Variants in XIRP2 observed in about 807,000 individuals in gnomAD.
XIRP2 encodes xin actin binding repeat containing 2, also known as xin actin-binding repeat-containing protein 2.
A neutral mutation model predicts 277.0 loss-of-function variants in XIRP2; 236 were observed. That is an observed-to-expected ratio of 0.85 (90% CI 0.77 to 0.95). The LOEUF (loss-of-function observed/expected upper bound fraction) is 0.95, where lower values mean the gene tolerates loss of function less well. Ranked by LOEUF, XIRP2 falls within the 40% of genes least tolerant of loss-of-function variation. The pLI is 0.00. For missense variants in XIRP2, 4,640 were observed against 4,157.5 expected (o/e 1.12, Z -3.19); for synonymous variants, 1,490 against 1,416.5 (o/e 1.05, Z -1.17).
At chr2:167,062,613 T>C (rs1351618527) in intron 2 of XIRP2, among the ~76,000 whole-genome samples, 1 of 152,184 alleles carries the variant, frequency 6.6e-6, no homozygotes, top group East Asian at 1.9e-4. Context: ...TAATCTTTAA[T>C]GGAATTTCAC....
chr2:167,255,578 C>G (rs1383758173), intron 10 of XIRP2, among the ~76,000 whole-genome samples: 2 of 151,812 alleles, frequency 1.3e-5, no homozygotes, highest in Non-Finnish European at 2.9e-5. Flanking sequence ...ATTTCATTAT[C>G]AAAACATTTA....
rs1482750638 is a variant in XIRP2 at position 167,196,867 on chromosome 2, G to A, written c.563-13868G>A. ...GTAGGTATGTGTGTGGAGTGGGGTG[G>A]GTGTTTTCATGCCTGTCTGTACTTA... On this transcript the variant is annotated intron_variant, in intron 3 of 10. Coordinates refer to ENST00000409195, the MANE Select transcript of XIRP2 (RefSeq NM_152381.6). 2.6e-5 allele frequency among the ~76,000 whole-genome samples: 4 copies of A among 152,192 alleles called. No individual in the cohort carries two copies. In the East Asian group the frequency reaches 7.7e-4, roughly 29 times the overall value.
intron 2 of XIRP2, among the ~76,000 whole-genome samples, chr2:166,965,694 C>T (rs1430244490): frequency 6.6e-6 from 1 of 151,890 alleles, no homozygotes. Flanking sequence ...AGCAATCCTT[C>T]CACCTCAGCT....
chr2:167,214,771 G>A (rs947819842), intron 4 of XIRP2, among the ~76,000 whole-genome samples: 3 of 152,090 alleles, frequency 2.0e-5, no homozygotes, highest in Admixed American at 6.5e-5. Flanking sequence ...GTTTCCCCAT[G>A]TTGGCCAGGC....
chr2:166,912,340 C>G (rs963806867), intron 2 of XIRP2, among the ~76,000 whole-genome samples: 2 of 152,148 alleles, frequency 1.3e-5, no homozygotes, highest in Non-Finnish European at 2.9e-5. Flanking sequence ...CTTCTCTTCT[C>G]GCTTCATTTC....
intron 3 of XIRP2, among the ~76,000 whole-genome samples, chr2:167,177,430 C>T (rs1692878314): frequency 6.6e-6 from 1 of 152,134 alleles, no homozygotes; most frequent in South Asian, 2.1e-4. Flanking sequence ...TCTGAAGTTG[C>T]ATTGACATCT....
At chr2:167,036,761 C>A (rs970273501) in intron 2 of XIRP2, among the ~76,000 whole-genome samples, 9 of 152,076 alleles carry the variant, frequency 5.9e-5, no homozygotes, top group African/African-American at 2.2e-4. Flanking sequence ...CCACCCAAAT[C>A]TCAACTTGAA....
At chr2:166,926,984 A>C (rs1685204959) in intron 2 of XIRP2, among the ~76,000 whole-genome samples, 1 of 152,152 alleles carries the variant, frequency 6.6e-6, no homozygotes, top group Non-Finnish European at 1.5e-5. Flanking sequence ...AAAGGTGAGC[A>C]TGGCTCATTG....
In XIRP2 at chr2:167,259,231, A is replaced by G. The variant is rs1559050321; in HGVS notation, c.*1414A>G. On this transcript the variant is annotated 3_prime_UTR_variant, in exon 11 of 11. Coordinates refer to ENST00000409195, the MANE Select transcript of XIRP2 (RefSeq NM_152381.6). The stretch of plus-strand genomic sequence containing the variant: ...CAACAGAAGCTGCCCGCAATAATGA[A>G]AACACAGGTTTTGATGCTCTGAGCC... The G allele has an allele frequency of 6.2e-7, 1 of 1,613,472 alleles. No individual in the cohort carries two copies. The highest frequency in any genetic ancestry group is 8.5e-7 in the Non-Finnish European group (1 of 1,179,622).
chr2:167,133,558 A>G (rs1260040237), intron 2 of XIRP2, among the ~76,000 whole-genome samples: 1 of 152,230 alleles, frequency 6.6e-6, no homozygotes, highest in African/African-American at 2.4e-5. Context: ...TCACATTTCC[A>G]TGTAGGTATA....
intron 2 of XIRP2, among the ~76,000 whole-genome samples, chr2:166,927,886 A>G (rs1173332603): frequency 2.0e-5 from 3 of 152,070 alleles, no homozygotes; most frequent in East Asian, 3.9e-4. Flanking sequence ...TTTTTCCCAT[A>G]TGTTATCTTT....
intron 2 of XIRP2, among the ~76,000 whole-genome samples, chr2:166,949,591 C>A (rs934850731): frequency 6.6e-6 from 1 of 152,042 alleles, no homozygotes; most frequent in African/African-American, 2.4e-5. Context: ...TGAATAGCAC[C>A]TTGCTCAATG....
intron 2 of XIRP2, among the ~76,000 whole-genome samples, chr2:167,096,436 T>G (rs553983804): frequency 6.6e-6 from 1 of 152,330 alleles, no homozygotes; most frequent in South Asian, 2.1e-4. Flanking sequence ...GATTCTTCCC[T>G]CTTTTATTCT....
chr2:166,961,572 T>C (rs139286233), intron 2 of XIRP2, among the ~76,000 whole-genome samples: 26 of 151,904 alleles, frequency 1.7e-4, no homozygotes, highest in African/African-American at 6.3e-4. Flanking sequence ...ACAATAGTTA[T>C]AACAATAATC....
At chr2:167,099,818 C>T (rs762476294) in intron 2 of XIRP2, among the ~76,000 whole-genome samples, 2 of 152,052 alleles carry the variant, frequency 1.3e-5, no homozygotes, top group Non-Finnish European at 2.9e-5. Context: ...TGCTTCTGCT[C>T]GCCCTCCGTG....
intron 2 of XIRP2, among the ~76,000 whole-genome samples, chr2:166,977,525 T>G (rs542065960): frequency 3.3e-5 from 5 of 152,316 alleles, no homozygotes; most frequent in Non-Finnish European, 5.9e-5. Context: ...TATTATCATA[T>G]ATCTCTCCAA....
rs757937538 is a variant in XIRP2 at position 167,243,076 on chromosome 2, G to C, written c.1684G>C (p.Glu562Gln). 6.2e-7 allele frequency: 1 copy of C among 1,614,034 alleles called. No homozygotes were observed. The highest frequency in any genetic ancestry group is 2.2e-5 in the East Asian group (1 of 44,852). Residue 562 changes from glutamate to glutamine, a missense_variant, in exon 9 of 11, where the codon GAA becomes CAA. By Grantham distance (29) the Glu-to-Gln change is conservative. Coordinates refer to ENST00000409195, the MANE Select transcript of XIRP2 (RefSeq NM_152381.6). Reference sequence around the variant, plus strand: ...TCAAAAAGATCTGAACTCAGAAAGAGAATACTTGGAATGGGATGAAATTCT... The same window carrying C: ...TCAAAAAGATCTGAACTCAGAAAGACAATACTTGGAATGGGATGAAATTCT... ...SSQKDLNSEREYLEWDEILKG... is the reference protein window; with the variant it reads ...SSQKDLNSERQYLEWDEILKG...
In XIRP2 at chr2:167,246,635, C is replaced by T; in HGVS notation, c.5243C>T (p.Thr1748Ile). 2 of 1,613,714 alleles carry T rather than the reference C, an allele frequency of 1.2e-6. No individual in the cohort carries two copies. Among genetic ancestry groups the T allele is most frequent in the Non-Finnish European group, 1.7e-6 (2 of 1,179,820 alleles). Residue 1748 changes from threonine to isoleucine, a missense_variant, in exon 9 of 11, where the codon ACC becomes ATC. Coordinates refer to ENST00000409195, the MANE Select transcript of XIRP2 (RefSeq NM_152381.6). ...AGAGGAAATGTTCAGTTTTTCACAA[C>T]CTGCATAGAAGCTGGAGCTTTGGAT... ...SERGNVQFFT[T>I]CIEAGALDYL...
At chr2:167,217,075 T>C (rs1367998135) in intron 4 of XIRP2, among the ~76,000 whole-genome samples, 2 of 139,854 alleles carry the variant, frequency 1.4e-5, no homozygotes, top group Non-Finnish European at 3.0e-5. Flanking sequence ...TAGGTGGGAA[T>C]TGAACAATGA....
Sources: allele counts gnomAD v4.1 joint callset (sites outside exome capture counted in the v4.1 genomes callset), GRCh38; gene constraint gnomAD v4.1.1; transcripts MANE v1.5; gene names NCBI Gene and HGNC (gene_info 2026-07-23, HGNC 2026-07-21).